The following CTIF variants were observed in gnomAD, a reference collection of about 807,000 sequenced individuals.
The protein encoded by CTIF is CBP80/20-dependent translation initiation factor.
A neutral mutation model predicts 66.0 loss-of-function variants in CTIF; 21 were observed. The observed-to-expected ratio is 0.32, with a 90% CI of 0.23 to 0.46. The LOEUF (loss-of-function observed/expected upper bound fraction) is 0.46, where lower values mean the gene tolerates loss of function less well. Among genes scored for constraint, CTIF ranks in the 20% least tolerant of loss-of-function variants. The pLI, the probability that CTIF is intolerant of heterozygous loss-of-function variation, is 1.00. For missense variants in CTIF, 739 were observed against 812.7 expected, an observed-to-expected ratio of 0.91 and a Z score of 1.10; for synonymous variants, 345 against 326.4, an observed-to-expected ratio of 1.06 and a Z score of -0.62.
chr18:48,669,032 G>C (rs1598836205), intron 5 of CTIF, among the ~76,000 whole-genome samples: 1 of 152,134 alleles, frequency 6.6e-6, no homozygotes, highest in African/African-American at 2.4e-5. Context: ...TTTGCAGCTA[G>C]TTTCTCCTCC....
intron 3 of CTIF, among the ~76,000 whole-genome samples, chr18:48,656,054 C>G (rs1046479303): frequency 6.6e-6 from 1 of 152,200 alleles, no homozygotes; most frequent in Non-Finnish European, 1.5e-5. Context: ...GTGTGGAGAC[C>G]GCAGCCTCAT....
At chr18:48,566,482 A>AG (rs1214221592) in intron 1 of CTIF, 1 of 152,310 alleles carries the variant, frequency 6.6e-6, no homozygotes, top group Non-Finnish European at 1.5e-5. Context: ...CCAGCACCTC[A>AG]GGGGAGGCCT....
chr18:48,611,332 G>A (rs1374015670), intron 1 of CTIF, among the ~76,000 whole-genome samples: 1 of 152,234 alleles, frequency 6.6e-6, no homozygotes, highest in African/African-American at 2.4e-5. Flanking sequence ...TGGAGGTGGT[G>A]GCCCCAGTGT....
At chr18:48,812,792 T>C (rs982916475) in intron 9 of CTIF, among the ~76,000 whole-genome samples, 1 of 151,846 alleles carries the variant, frequency 6.6e-6, no homozygotes, top group Non-Finnish European at 1.5e-5. Context: ...AAGAAAATTA[T>C]TCCGCTAAGT....
At chr18:48,699,268 G>A (rs2092049599) in intron 6 of CTIF, among the ~76,000 whole-genome samples, 1 of 152,154 alleles carries the variant, frequency 6.6e-6, no homozygotes, top group Non-Finnish European at 1.5e-5. Flanking sequence ...CAGACTGGCT[G>A]GTCCTCTGGG....
intron 9 of CTIF, among the ~76,000 whole-genome samples, chr18:48,808,694 G>A (rs1015410878): frequency 1.3e-5 from 2 of 152,130 alleles, no homozygotes; most frequent in African/African-American, 2.4e-5. Context: ...AAGGGATCAT[G>A]TGATAAACCT....
intron 6 of CTIF, among the ~76,000 whole-genome samples, chr18:48,685,784 C>G (rs9959857): frequency 6.6e-6 from 1 of 151,844 alleles, no homozygotes; most frequent in Non-Finnish European, 1.5e-5. Context: ...TCAAGTGATT[C>G]TCCTGCCTCA....
intron 3 of CTIF, among the ~76,000 whole-genome samples, chr18:48,641,076 T>C (rs1333612548): frequency 1.3e-5 from 2 of 152,202 alleles, no homozygotes; most frequent in African/African-American, 4.8e-5. Flanking sequence ...ACCCATCACC[T>C]AGTCATTTAG....
At chr18:48,571,794 C>T (rs957329363) in intron 1 of CTIF, among the ~76,000 whole-genome samples, 8 of 152,036 alleles carry the variant, frequency 5.3e-5, no homozygotes, top group African/African-American at 1.9e-4. Flanking sequence ...CTCCTGGCCT[C>T]AGGGAGCCTG....
chr18:48,754,988 G>A (rs1908213736), intron 7 of CTIF, among the ~76,000 whole-genome samples: 1 of 152,168 alleles, frequency 6.6e-6, no homozygotes, highest in Non-Finnish European at 1.5e-5. Flanking sequence ...CTTTTCTGGG[G>A]GTGGAGGAGT....
Position 48,860,350 on chromosome 18 carries a change from C to T in CTIF, c.*791C>T, listed in dbSNP as rs58741389. The T allele has an allele frequency of 9.0e-3, 1,528 of 170,352 alleles. 31 individuals carry two copies. Among genetic ancestry groups the T allele is most frequent in the African/African-American group, 0.035 (1,466 of 42,348 alleles). The allele number at this position is 170,352 out of a possible 1,614,324, so 10.6% of individuals were successfully genotyped here. ...CACAGTCAGCACTGTTGAGGACCCCCGGATTAGTGGGAGATCAAACCCAGC... is the reference window on the plus strand; with the variant it reads ...CACAGTCAGCACTGTTGAGGACCCCTGGATTAGTGGGAGATCAAACCCAGC... On this transcript the variant is annotated 3_prime_UTR_variant, in exon 12 of 12. Coordinates refer to ENST00000256413, the MANE Select transcript of CTIF (RefSeq NM_014772.3).
chr18:48,639,090 C>T (rs1164049521), intron 3 of CTIF, among the ~76,000 whole-genome samples: 2 of 152,198 alleles, frequency 1.3e-5, no homozygotes, highest in African/African-American at 2.4e-5. Flanking sequence ...TGCCTGGTGC[C>T]GTGTTGGTCT....
At chr18:48,642,606 C>A (rs2090955891) in intron 3 of CTIF, among the ~76,000 whole-genome samples, 1 of 152,126 alleles carries the variant, frequency 6.6e-6, no homozygotes, top group South Asian at 2.1e-4. Context: ...TCTGTCCAAC[C>A]CAGCCCCTGT....
At chr18:48,757,858 C>G in intron 7 of CTIF, 61 bp from the exon 8 acceptor site, 2 of 1,554,020 alleles carry the variant, frequency 1.3e-6, no homozygotes, top group Admixed American at 1.9e-5. Context: ...CGGCTGGGCA[C>G]AGGGACTCTG....
chr18:48,743,550 T>C (rs2092571989), intron 7 of CTIF, among the ~76,000 whole-genome samples: 1 of 152,252 alleles, frequency 6.6e-6, no homozygotes, highest in Non-Finnish European at 1.5e-5. Flanking sequence ...ATATGTCATT[T>C]TGAAATTTCT....
At chr18:48,787,627 A>C (rs942967994) in intron 9 of CTIF, among the ~76,000 whole-genome samples, 4 of 152,146 alleles carry the variant, frequency 2.6e-5, no homozygotes, top group South Asian at 2.1e-4. Flanking sequence ...CTCATGGTTG[A>C]GTCTGCCCCC....
chr18:48,655,297 TAAAAA>T (rs35564462), intron 3 of CTIF, among the ~76,000 whole-genome samples: 3 of 106,200 alleles, frequency 2.8e-5, no homozygotes, highest in East Asian at 2.3e-4. Context: ...AGAGCAAGAC[TAAAAA>T]AAAAAAAAAA....
At chr18:48,716,407 C>A (rs1395788217) in intron 7 of CTIF, among the ~76,000 whole-genome samples, 4 of 152,152 alleles carry the variant, frequency 2.6e-5, no homozygotes, top group Admixed American at 1.3e-4. Context: ...ACTAGTGAGA[C>A]CTCCAGGAGG....
intron 1 of CTIF, among the ~76,000 whole-genome samples, chr18:48,597,251 A>T (rs1289364234): frequency 1.3e-5 from 2 of 152,228 alleles, no homozygotes; most frequent in Non-Finnish European, 1.5e-5. Context: ...AGGGAACCAC[A>T]GCCTCCAGCG....
Sources: gnomAD v4.1 joint callset for allele counts (sites outside exome capture counted in the v4.1 genomes callset) on GRCh38, gnomAD v4.1.1 for gene constraint, MANE v1.5 for transcripts, NCBI Gene and HGNC (gene_info 2026-07-23, HGNC 2026-07-21) for gene names.